Variants in UNC13A observed in about 807,000 individuals in gnomAD.
UNC13A encodes protein unc-13 homolog A.
Under a neutral mutation model 219.7 loss-of-function variants are expected in UNC13A, and 61 were observed. The ratio of observed to expected loss-of-function variants is 0.28; its 90% CI spans 0.23 to 0.34. The LOEUF (loss-of-function observed/expected upper bound fraction) is 0.34. Ranked by LOEUF, UNC13A falls within the 10% of genes least tolerant of loss-of-function variation. UNC13A has a pLI of 1.00. For missense variants in UNC13A, 1,476 were observed against 2,270.3 expected (o/e 0.65, Z 7.11); for synonymous variants, 920 against 884.6 (o/e 1.04, Z -0.71).
intron 21 of UNC13A, among the ~76,000 whole-genome samples, 168 bp from the exon 22 acceptor site, chr19:17,640,829 T>C (rs772223416): frequency 3.9e-5 from 6 of 151,994 alleles, no homozygotes; most frequent in Admixed American, 2.6e-4. Context: ...CTCCCCTCCA[T>C]CTTTATATCC....
intron 43 of UNC13A, among the ~76,000 whole-genome samples, chr19:17,608,857 G>A (rs2076569942): frequency 6.6e-6 from 1 of 151,536 alleles, no homozygotes; most frequent in Non-Finnish European, 1.5e-5. Flanking sequence ...CACCATGTTG[G>A]CCAGGCTGGT....
intron 1 of UNC13A, among the ~76,000 whole-genome samples, chr19:17,676,762 C>T (rs553341914): frequency 6.6e-6 from 1 of 152,244 alleles, no homozygotes; most frequent in African/African-American, 2.4e-5. Flanking sequence ...ACCTATAACC[C>T]CAGCACTTTA....
Position 17,616,275 on chromosome 19 carries a change from AGCCGCTCAGGCCTGG to A in UNC13A, c.4558+1412_4558+1426del. 6 of 511,122 alleles carry A rather than the reference AGCCGCTCAGGCCTGG, an allele frequency of 1.2e-5. No individual in the cohort carries two copies. The South Asian group carries it at 1.5e-4, about 13-fold the overall frequency. 31.7% of individuals were successfully genotyped at this position (511,122 alleles called of 1,614,324 possible). A position where few individuals can be genotyped will look rare whatever the true frequency, so the allele number is the denominator to read the frequency against. Reference sequence around the variant, plus strand: ...CCCCCTCACCCGCCTGGGCCCTCCAAGCCGCTCAGGCCTGGGCGGCGGCCCTGCAGGCCCTTGAGG... The same window carrying A: ...CCCCCTCACCCGCCTGGGCCCTCCAAGCGGCGGCCCTGCAGGCCCTTGAGG... On this transcript the variant is annotated intron_variant, in intron 41 of 43. Transcript: ENST00000519716.
At chr19:17,648,333 G>GC in intron 16 of UNC13A, 98 bp downstream of exon 16, 3 of 913,000 alleles carry the variant, frequency 3.3e-6, no homozygotes, top group Non-Finnish European at 4.5e-6. Context: ...GCCCCATGGT[G>GC]CCCCACCCAT....
chr19:17,646,249 T>C, intron 17 of UNC13A, 138 bp from the exon 18 acceptor site: 2 of 1,195,152 alleles, frequency 1.7e-6, no homozygotes, highest in Non-Finnish European at 2.3e-6. Flanking sequence ...CACGCTGGGC[T>C]TGCCAGAGAG....
chr19:17,682,088 GACTACAGGCGCGCGCC>G, intron 1 of UNC13A, among the ~76,000 whole-genome samples: 1 of 151,870 alleles, frequency 6.6e-6, no homozygotes, highest in East Asian at 1.9e-4. Context: ...GAGTAGCTGG[GACTACAGGCGCGCGCC>G]ACCATACCCA....
In UNC13A at chr19:17,624,122, C is replaced by CTTT. The variant is rs762349924; in HGVS notation, c.4198-578_4198-576dup. The stretch of plus-strand genomic sequence containing the variant: ...AAACCCATTGATGTCTATGCCTTCT[C>CTTT]TTTTTTTTTTTTGTTTTTTTGAGAA... On this transcript the variant is annotated intron_variant, in intron 35 of 43. Coordinates refer to ENST00000519716, the MANE Select transcript of UNC13A (RefSeq NM_001080421.3). Among the ~76,000 whole-genome samples, 155 of 136,420 alleles carry CTTT rather than the reference C, an allele frequency of 1.1e-3. 14 individuals are homozygous for CTTT. The highest frequency in any genetic ancestry group is 4.0e-3 in the Middle Eastern group (1 of 252). The allele number at this position is 136,420 out of a possible 152,430, so 89.5% of individuals were successfully genotyped here. A position where few individuals can be genotyped will look rare whatever the true frequency, so the allele number is the denominator to read the frequency against.
At chr19:17,646,313 C>T (rs1420772084) in intron 17 of UNC13A, among the ~76,000 whole-genome samples, 1 of 148,642 alleles carries the variant, frequency 6.7e-6, no homozygotes, top group Admixed American at 6.7e-5. Flanking sequence ...GAGTTTTGCT[C>T]GTCACCCAGG....
chr19:17,606,810 C>A (rs569054465), intron 43 of UNC13A, among the ~76,000 whole-genome samples: 58 of 151,482 alleles, frequency 3.8e-4, no homozygotes, highest in Non-Finnish European at 8.0e-4. Flanking sequence ...CCCCCCACAC[C>A]CCCAGCCCAC....
intron 25 of UNC13A, among the ~76,000 whole-genome samples, chr19:17,638,438 A>G (rs1429552751): frequency 1.3e-5 from 2 of 152,206 alleles, no homozygotes; most frequent in African/African-American, 4.8e-5. Context: ...ACTGCACTCC[A>G]GCCTGGGCAA....
chr19:17,673,227 CA>C (rs956588228), intron 3 of UNC13A, among the ~76,000 whole-genome samples: 10 of 151,322 alleles, frequency 6.6e-5, no homozygotes, highest in Admixed American at 2.0e-4. Context: ...CGTGGTGGTG[CA>C]TGTCTGTAAT....
At chr19:17,642,763 G>A in intron 20 of UNC13A, 82 bp downstream of exon 20, 1 of 1,207,752 alleles carries the variant, frequency 8.3e-7, no homozygotes, top group Non-Finnish European at 1.2e-6. Context: ...AGTGTGGATG[G>A]TGTGGCCAGA....
rs1404885973 is a variant in UNC13A, at chr19:17,603,284, C to T, written c.*2770G>A. 2 of 152,162 alleles carry T rather than the reference C, an allele frequency of 1.3e-5. No individual in the cohort carries two copies. Among genetic ancestry groups the T allele is most frequent in the African/African-American group, 2.4e-5 (1 of 41,404 alleles). The allele number at this position is 152,162 out of a possible 1,614,324, so 9.4% of individuals were successfully genotyped here. A position where few individuals can be genotyped will look rare whatever the true frequency, so the allele number is the denominator to read the frequency against. On this transcript the variant is annotated 3_prime_UTR_variant, in exon 44 of 44. Transcript: ENST00000519716. ...TCCTAAGGAATCTTTTGGGAAATAA[C>T]TTGGCTCTCTCAGGCAGCTCGACTT... is the stretch of plus-strand genomic sequence containing the variant.
At chr19:17,658,312 A>C (rs546717941) in intron 8 of UNC13A, 43 bp from the exon 9 acceptor site, 1 of 1,563,488 alleles carries the variant, frequency 6.4e-7, no homozygotes, top group African/African-American at 1.4e-5. Context: ...AGGAAGAGAG[A>C]GTGCACATGA....
chr19:17,619,007 G>A lies in UNC13A; in HGVS notation c.4273-45C>T, dbSNP rs780880945. ...GCTGGGTGAGGGCAGGGGTGCTACA[G>A]CTGACACTCCAGCCCCAGAGACCAT... is the stretch of plus-strand genomic sequence containing the variant. On this transcript the variant is annotated intron_variant, in intron 38 of 43. Coordinates refer to ENST00000519716, the MANE Select transcript of UNC13A (RefSeq NM_001080421.3). The A allele has an allele frequency of 1.2e-5, 19 of 1,579,936 alleles. No homozygotes were observed. In the African/African-American group the frequency reaches 2.4e-4, roughly 20 times the overall value.
At chr19:17,628,067 T>C (rs2076802533) in intron 31 of UNC13A, 127 bp from the exon 32 acceptor site, 1 of 829,230 alleles carries the variant, frequency 1.2e-6, no homozygotes, top group South Asian at 1.5e-5. Context: ...TCCCATGGGG[T>C]CACCTGCAAA....
Position 17,617,782 on chromosome 19 carries a change from G to C in UNC13A, c.4478C>G (p.Ser1493Cys). Residue 1493 changes from serine to cysteine, a missense_variant, in exon 41 of 44, where the codon TCC becomes TGC. Coordinates refer to ENST00000519716, the MANE Select transcript of UNC13A (RefSeq NM_001080421.3). ...TFLEKSPDLQ[S>C]LRYALSLYTQ... Reference sequence around the variant, plus strand: ...GTAGAGCGACAGGGCATAGCGCAAGGATTGCAGGTCCGGGCTCTTCTCCAG... The same window carrying C: ...GTAGAGCGACAGGGCATAGCGCAAGCATTGCAGGTCCGGGCTCTTCTCCAG... The C allele has an allele frequency of 6.2e-7, 1 of 1,613,382 alleles. No individual in the cohort carries two copies. Among genetic ancestry groups the C allele is most frequent in the Non-Finnish European group, 8.5e-7 (1 of 1,179,630 alleles).
rs2145037944 is a variant in UNC13A at position 17,639,928 on chromosome 19, G to C, written c.2788-20C>G. On this transcript the variant is annotated intron_variant, in intron 22 of 43. Coordinates refer to ENST00000519716, the MANE Select transcript of UNC13A (RefSeq NM_001080421.3). ...CTCTTTCTGAGGAGGAAGGGGAGGA[G>C]GGAGGATGGATGGAGGCAGGACATG... 1.2e-6 allele frequency: 2 copies of C among 1,613,422 alleles called. No homozygotes were observed. The highest frequency in any genetic ancestry group is 4.5e-5 in the East Asian group (2 of 44,870).
intron 43 of UNC13A, 121 bp from the exon 44 acceptor site, chr19:17,606,475 C>T (rs775931596): frequency 9.9e-6 from 13 of 1,319,396 alleles, no homozygotes; most frequent in Non-Finnish European, 2.0e-6. Flanking sequence ...CTGTCACCTC[C>T]CACGCTACGC....
Sources: allele counts gnomAD v4.1 joint callset (sites outside exome capture counted in the v4.1 genomes callset), GRCh38; gene constraint gnomAD v4.1.1; transcripts MANE v1.5; gene names NCBI Gene and HGNC (gene_info 2026-07-23, HGNC 2026-07-21).